The following CALN1 variants were observed in gnomAD, a reference collection of about 807,000 sequenced individuals.
CALN1 encodes the protein calcium-binding protein 8.
In CALN1, 17 loss-of-function variants were observed where a neutral mutation model predicts 30.6. The ratio of observed to expected loss-of-function variants is 0.56; its 90% CI spans 0.38 to 0.83. The LOEUF (loss-of-function observed/expected upper bound fraction) is 0.83. Among genes scored for constraint, CALN1 ranks in the 40% least tolerant of loss-of-function variants. The pLI is 0.00. For missense variants in CALN1, 291 were observed against 354.9 expected (o/e 0.82, Z 1.45); for synonymous variants, 156 against 131.4 (o/e 1.19, Z -1.28).
rs548849811 is a variant in CALN1, at chr7:71,954,707, T to C, written c.501+68950A>G. Among the ~76,000 whole-genome samples, 5 of 152,306 alleles carry C rather than the reference T, an allele frequency of 3.3e-5. No individual in the cohort carries two copies. The East Asian group carries it at 9.7e-4, about 29-fold the overall frequency. On this transcript the variant is annotated intron_variant, in intron 5 of 6. Coordinates refer to ENST00000395275, the MANE Select transcript of CALN1 (RefSeq NM_031468.4). ...TTGACTGTGGGATTTAGCAACATGG[T>C]GGTCATCAGTGACCTCCACTAGAGC...
intron 3 of CALN1, among the ~76,000 whole-genome samples, chr7:72,201,592 A>T (rs1011786257): frequency 1.3e-5 from 2 of 152,098 alleles, no homozygotes; most frequent in African/African-American, 2.4e-5. Flanking sequence ...TTTCGGAAAA[A>T]AAAAGAAAGA....
intron 1 of CALN1, among the ~76,000 whole-genome samples, chr7:72,431,915 C>T (rs1408408997): frequency 6.6e-6 from 1 of 152,024 alleles, no homozygotes; most frequent in Non-Finnish European, 1.5e-5. Context: ...CCCTAACCAC[C>T]TCCTAATCTT....
rs549000517 is a variant in CALN1, at chr7:72,143,600, A to G, written c.245-37306T>C. ...CCCCAATCTAGCAAGGCAGGCCAACATTCAAATTCAGGAAATACAGAGAAC... is the reference window on the plus strand; with the variant it reads ...CCCCAATCTAGCAAGGCAGGCCAACGTTCAAATTCAGGAAATACAGAGAAC... On this transcript the variant is annotated intron_variant, in intron 3 of 6. Transcript: ENST00000395275. Among the ~76,000 whole-genome samples the G allele has an allele frequency of 9.8e-3, 1,492 of 152,312 alleles. 24 individuals carry two copies. Among genetic ancestry groups the G allele is most frequent in the African/African-American group, 0.034 (1,414 of 41,568 alleles).
intron 1 of CALN1, among the ~76,000 whole-genome samples, chr7:72,443,195 T>C (rs1562970748): frequency 6.6e-6 from 1 of 152,216 alleles, no homozygotes; most frequent in East Asian, 1.9e-4. Flanking sequence ...ATGTACAATT[T>C]ACCTTTCGTG....
At chr7:72,143,883 T>C (rs543998655) in intron 3 of CALN1, among the ~76,000 whole-genome samples, 1 of 152,104 alleles carries the variant, frequency 6.6e-6, no homozygotes, top group African/African-American at 2.4e-5. Flanking sequence ...CTAAGCTTCA[T>C]AAGTGAAGGA....
chr7:72,145,203 A>C (rs1466258368), intron 3 of CALN1, among the ~76,000 whole-genome samples: 2 of 152,214 alleles, frequency 1.3e-5, no homozygotes, highest in Non-Finnish European at 2.9e-5. Flanking sequence ...GAAAAGATCA[A>C]CAAAATTGAT....
chr7:72,445,502 C>T (rs967150550), intron 1 of CALN1, among the ~76,000 whole-genome samples: 4 of 152,168 alleles, frequency 2.6e-5, no homozygotes, highest in African/African-American at 7.2e-5. Context: ...ATGACCAAGG[C>T]CTCCAGGCTG....
At chr7:72,053,196 C>T (rs1584837020) in intron 4 of CALN1, among the ~76,000 whole-genome samples, 1 of 152,312 alleles carries the variant, frequency 6.6e-6, no homozygotes, top group Non-Finnish European at 1.5e-5. Flanking sequence ...CACCACTGCA[C>T]TCCAGCCTGG....
chr7:71,960,153 A>G (rs1255151289), intron 5 of CALN1, among the ~76,000 whole-genome samples: 1 of 91,484 alleles, frequency 1.1e-5, no homozygotes, highest in African/African-American at 3.6e-5. Context: ...AAATAAATAA[A>G]TAAATAAATA....
At chr7:72,348,572 TAGTGGAGAGTTGTTA>T (rs766505067) in intron 2 of CALN1, among the ~76,000 whole-genome samples, 22 of 152,222 alleles carry the variant, frequency 1.4e-4, no homozygotes, top group Non-Finnish European at 2.9e-4. Context: ...AGAGAACAGT[TAGTGGAGAGTTGTTA>T]AGTCGAACAA....
chr7:72,392,347 C>A (rs982051904), intron 2 of CALN1, among the ~76,000 whole-genome samples: 1 of 152,182 alleles, frequency 6.6e-6, no homozygotes, highest in Admixed American at 6.5e-5. Context: ...TGGTTTATCC[C>A]CCCGAGTTTG....
At chr7:72,400,069 T>C (rs1217238379) in intron 2 of CALN1, among the ~76,000 whole-genome samples, 2 of 152,112 alleles carry the variant, frequency 1.3e-5, no homozygotes, top group Non-Finnish European at 2.9e-5. Context: ...TGCAGAACCA[T>C]GAGCCAAATA....
chr7:72,155,451 C>G (rs971493059), intron 3 of CALN1, among the ~76,000 whole-genome samples: 24 of 150,118 alleles, frequency 1.6e-4, no homozygotes, highest in African/African-American at 5.9e-4. Context: ...GAGATCACGC[C>G]ACTGCACTCC....
intron 3 of CALN1, among the ~76,000 whole-genome samples, chr7:72,182,745 A>G (rs1789906098): frequency 6.7e-6 from 1 of 148,806 alleles, no homozygotes; most frequent in South Asian, 2.2e-4. Context: ...TGAAAAAAAA[A>G]TGACAAAAAT....
At chr7:71,952,024 G>T (rs1008859940) in intron 5 of CALN1, among the ~76,000 whole-genome samples, 1 of 152,100 alleles carries the variant, frequency 6.6e-6, no homozygotes, top group African/African-American at 2.4e-5. Context: ...ATGGTGGAGG[G>T]AGAACCAGGC....
intron 2 of CALN1, among the ~76,000 whole-genome samples, chr7:72,300,624 CATGATATAGGGAACAAA>C (rs1799190863): frequency 6.6e-6 from 1 of 152,152 alleles, no homozygotes; most frequent in Non-Finnish European, 1.5e-5. Flanking sequence ...CTATTACAAT[CATGATATAGGGAACAAA>C]ATAGAATAAG....
intron 3 of CALN1, among the ~76,000 whole-genome samples, chr7:72,265,956 A>G (rs922330298): frequency 1.3e-5 from 2 of 152,016 alleles, no homozygotes; most frequent in African/African-American, 4.8e-5. Flanking sequence ...AAACACAGTG[A>G]GGCCCTATCT....
intron 4 of CALN1, among the ~76,000 whole-genome samples, chr7:72,033,974 G>C (rs566801454): frequency 1.3e-5 from 2 of 152,116 alleles, no homozygotes; most frequent in Non-Finnish European, 2.9e-5. Flanking sequence ...TGGAACTAAC[G>C]AGACATGGCA....
At chr7:72,296,006 T>C (rs1205799837) in intron 2 of CALN1, among the ~76,000 whole-genome samples, 11 of 151,946 alleles carry the variant, frequency 7.2e-5, no homozygotes, top group Non-Finnish European at 1.2e-4. Flanking sequence ...GGGTTTGTCA[T>C]AGATAGCTGT....
Sources: gnomAD v4.1 joint callset for allele counts (sites outside exome capture counted in the v4.1 genomes callset) on GRCh38, gnomAD v4.1.1 for gene constraint, MANE v1.5 for transcripts, NCBI Gene and HGNC (gene_info 2026-07-23, HGNC 2026-07-21) for gene names.